The following RORA variants were observed in gnomAD, a reference collection of about 807,000 sequenced individuals.
The protein encoded by RORA is RAR related orphan receptor A.
RORA carries 7 observed loss-of-function variants against 69.5 expected under a neutral mutation model. That is an observed-to-expected ratio of 0.10 (90% CI 0.06 to 0.19). The LOEUF is 0.19. RORA is among the 10% of genes least tolerant of loss of function. The pLI, the probability that RORA is intolerant of heterozygous loss-of-function variation, is 1.00. For missense variants in RORA, 457 were observed against 663.0 expected, an observed-to-expected ratio of 0.69 and a Z score of 3.41; for synonymous variants, 261 against 240.8, an observed-to-expected ratio of 1.08 and a Z score of -0.78.
intron 1 of RORA, among the ~76,000 whole-genome samples, chr15:60,729,049 T>C (rs1328843366): frequency 6.6e-6 from 1 of 152,148 alleles, no homozygotes; most frequent in East Asian, 1.9e-4. Context: ...CTAGGTGTAA[T>C]TACCACTAGC....
intron 9 of RORA, among the ~76,000 whole-genome samples, chr15:60,500,384 A>C (rs1230981015): frequency 6.6e-6 from 1 of 152,208 alleles, no homozygotes; most frequent in East Asian, 1.9e-4. Context: ...GAAAAATAGG[A>C]AAGTTTTCTT....
At chr15:61,000,125 T>C (rs1894701503) in intron 1 of RORA, among the ~76,000 whole-genome samples, 1 of 152,190 alleles carries the variant, frequency 6.6e-6, no homozygotes, top group African/African-American at 2.4e-5. Context: ...AATTATAGGA[T>C]ATACTTAGCG....
At chr15:60,878,031 T>C (rs2073636811) in intron 1 of RORA, among the ~76,000 whole-genome samples, 2 of 151,958 alleles carry the variant, frequency 1.3e-5, no homozygotes, top group African/African-American at 4.8e-5. Flanking sequence ...GGAGCCTAAA[T>C]TAAGAATTTT....
chr15:60,515,422 GCTC>G (rs1019512192), intron 3 of RORA, among the ~76,000 whole-genome samples: 32 of 105,824 alleles, frequency 3.0e-4, no homozygotes, highest in Admixed American at 2.8e-3. Context: ...CCAGTCCAAT[GCTC>G]ATCAAGTTCC....
intron 1 of RORA, among the ~76,000 whole-genome samples, chr15:60,786,411 T>C (rs923597485): frequency 9.9e-5 from 15 of 152,160 alleles, no homozygotes; most frequent in Admixed American, 7.8e-4. Context: ...CTACAAAGAG[T>C]CTTGAGCCTC....
chr15:61,153,325 T>C (rs1596030963), intron 1 of RORA, among the ~76,000 whole-genome samples: 2 of 152,270 alleles, frequency 1.3e-5, no homozygotes, highest in South Asian at 2.1e-4. Flanking sequence ...TGGGGTGGGA[T>C]GGTTTATCCC....
At chr15:60,503,448 C>T (rs915868699) in intron 7 of RORA, 87 bp downstream of exon 7, 135 of 1,389,814 alleles carry the variant, frequency 9.7e-5, no homozygotes, top group Non-Finnish European at 1.2e-4. Flanking sequence ...AAACTGTTCC[C>T]GACACCTTCC....
intron 1 of RORA, among the ~76,000 whole-genome samples, chr15:60,807,086 A>G (rs1027662527): frequency 1.1e-4 from 16 of 152,176 alleles, no homozygotes; most frequent in South Asian, 2.1e-4. Context: ...AGAAAGAAAG[A>G]AAGGGCATCC....
intron 1 of RORA, among the ~76,000 whole-genome samples, chr15:60,976,210 G>T (rs1404286587): frequency 6.6e-6 from 1 of 152,186 alleles, no homozygotes; most frequent in Admixed American, 6.5e-5. Context: ...AGGGGCGTTA[G>T]AATCCTCACC....
intron 1 of RORA, among the ~76,000 whole-genome samples, chr15:60,683,004 G>A (rs1381390747): frequency 6.6e-6 from 1 of 152,126 alleles, no homozygotes; most frequent in Non-Finnish European, 1.5e-5. Context: ...GCAGAATGAG[G>A]TAGTCAGTGA....
At chr15:60,831,293 C>G (rs1054566856) in intron 1 of RORA, among the ~76,000 whole-genome samples, 8 of 152,196 alleles carry the variant, frequency 5.3e-5, no homozygotes, top group Non-Finnish European at 4.4e-5. Flanking sequence ...CACTCCAGAA[C>G]AGCCAGGACA....
chr15:60,943,204 T>C (rs1364861819), intron 1 of RORA, among the ~76,000 whole-genome samples: 1 of 152,152 alleles, frequency 6.6e-6, no homozygotes, highest in Non-Finnish European at 1.5e-5. Flanking sequence ...GCTAGGATGC[T>C]GGGGCAAAAA....
chr15:60,801,256 G>A (rs2072576973), intron 1 of RORA, among the ~76,000 whole-genome samples: 1 of 152,216 alleles, frequency 6.6e-6, no homozygotes, highest in African/African-American at 2.4e-5. Flanking sequence ...CATTCTCTAA[G>A]TAGTGGCCTC....
chr15:60,695,682 A>G (rs2070892844), intron 1 of RORA, among the ~76,000 whole-genome samples: 1 of 152,068 alleles, frequency 6.6e-6, no homozygotes, highest in African/African-American at 2.4e-5. Flanking sequence ...GACACCAGGC[A>G]CTTTTCAGCC....
At chr15:60,616,544 G>A (rs182105584) in intron 2 of RORA, among the ~76,000 whole-genome samples, 134 of 152,300 alleles carry the variant, frequency 8.8e-4, no homozygotes, top group African/African-American at 3.0e-3. Flanking sequence ...AACAAGAGCC[G>A]GGAAGAGCAG....
chr15:61,042,890 C>A (rs1013925219), intron 1 of RORA, among the ~76,000 whole-genome samples: 1 of 152,194 alleles, frequency 6.6e-6, no homozygotes, highest in African/African-American at 2.4e-5. Context: ...AGACTCTCCC[C>A]TTCTAAAGCA....
intron 1 of RORA, among the ~76,000 whole-genome samples, chr15:60,944,257 G>C (rs1055476558): frequency 6.6e-6 from 1 of 152,166 alleles, no homozygotes; most frequent in Admixed American, 6.5e-5. Flanking sequence ...ATGGGCATCA[G>C]TATAATTTAA....
At chr15:60,970,555 T>C (rs1157178252) in intron 1 of RORA, among the ~76,000 whole-genome samples, 1 of 152,210 alleles carries the variant, frequency 6.6e-6, no homozygotes, top group Non-Finnish European at 1.5e-5. Context: ...TCAGATTCCA[T>C]TTGGAATAAA....
intron 1 of RORA, among the ~76,000 whole-genome samples, chr15:60,998,140 A>C (rs1170886901): frequency 6.6e-6 from 1 of 152,180 alleles, no homozygotes; most frequent in Non-Finnish European, 1.5e-5. Context: ...TATTCCTTTT[A>C]ACCAAAGCTG....
Sources: gnomAD v4.1 joint callset for allele counts (sites outside exome capture counted in the v4.1 genomes callset) on GRCh38, gnomAD v4.1.1 for gene constraint, MANE v1.5 for transcripts, NCBI Gene and HGNC (gene_info 2026-07-23, HGNC 2026-07-21) for gene names.